The following RIMBP2 variants were observed in gnomAD, a reference collection of about 807,000 sequenced individuals.
RIMBP2 encodes RIMS-binding protein 2.
A neutral mutation model predicts 118.6 loss-of-function variants in RIMBP2; 48 were observed. That is an observed-to-expected ratio of 0.40 (90% confidence interval 0.32 to 0.51). RIMBP2 has a LOEUF of 0.51. RIMBP2 is among the 20% of genes least tolerant of loss of function. RIMBP2 has a pLI of 0.41. For synonymous variants in RIMBP2, 762 were observed against 742.9 expected, an observed-to-expected ratio of 1.03 and a Z score of -0.42; for missense variants, 1,551 against 1,768.3, an observed-to-expected ratio of 0.88 and a Z score of 2.20.
intron 1 of RIMBP2, among the ~76,000 whole-genome samples, chr12:130,634,113 A>C (rs1422845907): frequency 6.6e-6 from 1 of 152,234 alleles, no homozygotes; most frequent in Non-Finnish European, 1.5e-5. Flanking sequence ...GTCCTTCGAC[A>C]ACGAGCTGTG....
chr12:130,570,889 T>C lies in RIMBP2; in HGVS notation c.-216-52972A>G, dbSNP rs371285766. Among the ~76,000 whole-genome samples the C allele has an allele frequency of 1.6e-4, 24 of 152,250 alleles. No individual in the cohort carries two copies. The East Asian group carries it at 4.4e-3, about 28-fold the overall frequency. On this transcript the variant is annotated intron_variant, in intron 2 of 22. Coordinates refer to ENST00000690449, the MANE Select transcript of RIMBP2 (RefSeq NM_001393629.1). ...AGGTGCTTTTCTTTAAGCAGGTGGATAAAGGAGAAATTAACTCCACAAGTG... is the reference window on the plus strand; with the variant it reads ...AGGTGCTTTTCTTTAAGCAGGTGGACAAAGGAGAAATTAACTCCACAAGTG...
In RIMBP2 at chr12:130,463,748, G is replaced by C. The variant is rs1279054146; in HGVS notation, c.153+6945C>G. Among the ~76,000 whole-genome samples, 6 of 152,088 alleles carry C rather than the reference G, an allele frequency of 3.9e-5. No homozygotes were observed. In the South Asian group the frequency reaches 6.2e-4, roughly 16 times the overall value. On this transcript the variant is annotated intron_variant, in intron 6 of 22. Coordinates refer to ENST00000690449, the MANE Select transcript of RIMBP2 (RefSeq NM_001393629.1). ...CTTGAATAGGGGCTGGGAAAGATGA[G>C]GCTGAGACCTACTGGGCTGCGTTCC...
In RIMBP2 at chr12:130,523,007, T is replaced by C. The variant is rs1024464230; in HGVS notation, c.-216-5090A>G. 3.9e-5 allele frequency among the ~76,000 whole-genome samples: 6 copies of C among 152,090 alleles called. No individual in the cohort carries two copies. Among genetic ancestry groups the C allele is most frequent in the African/African-American group, 1.4e-4 (6 of 41,412 alleles). Reference sequence around the variant, plus strand: ...CTGCCTCGGTTTTAGTTTTTCTTTCTGCCTCTATGTCTATCTCTCTGTTCA... The same window carrying C: ...CTGCCTCGGTTTTAGTTTTTCTTTCCGCCTCTATGTCTATCTCTCTGTTCA... On this transcript the variant is annotated intron_variant, in intron 2 of 22. Transcript: ENST00000690449. This position sits in a 1 kb window ranked among gnomAD's most constrained non-coding sequence, Gnocchi z 4.4.
intron 2 of RIMBP2, among the ~76,000 whole-genome samples, chr12:130,577,640 T>A (rs1460689192): frequency 6.6e-6 from 1 of 152,212 alleles, no homozygotes; most frequent in Non-Finnish European, 1.5e-5. Flanking sequence ...TCGTGGGGAT[T>A]ACAATTCAAG....
In RIMBP2 at chr12:130,604,157, T is replaced by C. The variant is rs570875477; in HGVS notation, c.-217+24165A>G. 1.7e-3 allele frequency among the ~76,000 whole-genome samples: 252 copies of C among 152,140 alleles called. 2 individuals carry two copies. Among genetic ancestry groups the C allele is most frequent in the African/African-American group, 5.9e-3 (243 of 41,518 alleles). On this transcript the variant is annotated intron_variant, in intron 2 of 22. Coordinates refer to ENST00000690449, the MANE Select transcript of RIMBP2 (RefSeq NM_001393629.1). ...TTCATTTTTAAAACATTTTAAACGGTGTTAAAATGTTTTAAAATAGAAAAA... is the reference window on the plus strand; with the variant it reads ...TTCATTTTTAAAACATTTTAAACGGCGTTAAAATGTTTTAAAATAGAAAAA...
chr12:130,414,236 C>T lies in RIMBP2; in HGVS notation c.3309G>A (p.Glu1103=). The T allele has an allele frequency of 6.2e-7, 1 of 1,614,020 alleles. No homozygotes were observed. The highest frequency in any genetic ancestry group is 1.1e-5 in the South Asian group (1 of 91,068). The change falls in exon 18 of 23, where the codon GAG becomes GAA. Residue 1103 remains glutamate, a synonymous_variant. Coordinates refer to ENST00000690449, the MANE Select transcript of RIMBP2 (RefSeq NM_001393629.1). ...EESETDPGAE[E]LPARIFVALF... is the part of the protein sequence containing the mutation. ...GAGCCACAAAGATCCGGGCCGGGAG[C>T]TCTTCGGCACCAGGGTCAGTTTCTG...
chr12:130,452,492 G>A (rs563836086), intron 7 of RIMBP2, among the ~76,000 whole-genome samples: 2 of 152,362 alleles, frequency 1.3e-5, no homozygotes, highest in Non-Finnish European at 2.9e-5. Context: ...TGTAGCAGGT[G>A]CAAAGTGAAT....
intron 19 of RIMBP2, among the ~76,000 whole-genome samples, chr12:130,409,397 C>T (rs937197409): frequency 5.7e-4 from 69 of 121,894 alleles, no homozygotes; most frequent in African/African-American, 2.0e-3. Flanking sequence ...GGCTGGAGTG[C>T]AGTGGCGCGA....
intron 3 of RIMBP2, among the ~76,000 whole-genome samples, chr12:130,516,712 CAA>C (rs991896261): frequency 6.6e-6 from 1 of 152,122 alleles, no homozygotes; most frequent in Non-Finnish European, 1.5e-5. Context: ...ATCCAAGGAA[CAA>C]AAGTAAGTCA....
intron 4 of RIMBP2, among the ~76,000 whole-genome samples, chr12:130,498,533 G>A (rs1167939366): frequency 1.3e-5 from 2 of 151,662 alleles, no homozygotes; most frequent in African/African-American, 4.8e-5. Flanking sequence ...CCAGCAAGGG[G>A]GCCTCTGGTC....
At chr12:130,480,186 C>T (rs541099295) in intron 4 of RIMBP2, among the ~76,000 whole-genome samples, 59 of 122,008 alleles carry the variant, frequency 4.8e-4, no homozygotes, top group Admixed American at 1.5e-3. Context: ...ATTTCATTGT[C>T]ATTTCCTTTC....
intron 20 of RIMBP2, among the ~76,000 whole-genome samples, chr12:130,406,711 A>G (rs749093): frequency 0.2 from 30,671 of 152,050 alleles, 3,464 homozygotes; most frequent in East Asian, 0.41. Context: ...CAGCAGTGCA[A>G]CCTCGGCCCA....
intron 6 of RIMBP2, among the ~76,000 whole-genome samples, chr12:130,467,312 A>G (rs2080569319): frequency 6.6e-6 from 1 of 152,236 alleles, no homozygotes; most frequent in Non-Finnish European, 1.5e-5. Flanking sequence ...TTGCTCCTGG[A>G]GATAACATCA....
chr12:130,552,680 T>C (rs1206109191), intron 2 of RIMBP2, among the ~76,000 whole-genome samples: 1 of 152,210 alleles, frequency 6.6e-6, no homozygotes, highest in Admixed American at 6.5e-5. Context: ...CAAAAATTAG[T>C]AGACAAATTC....
rs557847673 is a variant in RIMBP2 at position 130,446,891 on chromosome 12, G to A, written c.582-1622C>T. Among the ~76,000 whole-genome samples the A allele has an allele frequency of 6.6e-6, 1 of 152,164 alleles. No individual in the cohort carries two copies. Among genetic ancestry groups the A allele is most frequent in the South Asian group, 2.1e-4 (1 of 4,808 alleles). ...TGGTCGGGGAGTGACTTAGGAGGCT[G>A]TGGAAATGCGGGTTGCCTGGCTGCA... is the stretch of plus-strand genomic sequence containing the variant. On this transcript the variant is annotated intron_variant, in intron 9 of 22. Transcript: ENST00000690449. This position sits in a 1 kb window ranked among gnomAD's most constrained non-coding sequence, Gnocchi z 4.1.
At chr12:130,417,063 A>G (rs2076146689) in intron 17 of RIMBP2, among the ~76,000 whole-genome samples, 1 of 152,220 alleles carries the variant, frequency 6.6e-6, no homozygotes, top group African/African-American at 2.4e-5. Flanking sequence ...ACCAGTCAGA[A>G]TGACGATTAA....
intron 2 of RIMBP2, among the ~76,000 whole-genome samples, chr12:130,604,583 TTTC>T (rs1336608735): frequency 6.8e-5 from 3 of 43,954 alleles, no homozygotes; most frequent in African/African-American, 1.9e-4. Context: ...GCCCCTTTTC[TTTC>T]TTTTTTTTTT....
chr12:130,676,045 T>C (rs529323635), intron 1 of RIMBP2, among the ~76,000 whole-genome samples: 2 of 152,312 alleles, frequency 1.3e-5, no homozygotes, highest in East Asian at 3.9e-4. Context: ...GACACAGCCT[T>C]GAAGACTCCA....
chr12:130,517,610 C>T (rs2051611401), intron 3 of RIMBP2, among the ~76,000 whole-genome samples: 1 of 151,992 alleles, frequency 6.6e-6, no homozygotes, highest in Non-Finnish European at 1.5e-5. Context: ...GCCTAATAGA[C>T]TTCCAAGCAG....
Sources: allele counts gnomAD v4.1 joint callset (sites outside exome capture counted in the v4.1 genomes callset), GRCh38; gene constraint gnomAD v4.1.1; non-coding constraint Gnocchi (gnomAD v3.1); transcripts MANE v1.5; gene names NCBI Gene and HGNC (gene_info 2026-07-23, HGNC 2026-07-21).